Variants in JADE3 observed in about 807,000 individuals in gnomAD.
JADE3 encodes jade family PHD finger 3.
JADE3 carries 2 observed loss-of-function variants against 50.1 expected under a neutral mutation model. That is an observed-to-expected ratio of 0.04 (90% CI 0.02 to 0.13). JADE3 has a LOEUF of 0.13. Ranked by LOEUF, JADE3 falls within the 10% of genes least tolerant of loss-of-function variation. The pLI is 1.00. For synonymous variants in JADE3, 218 were observed against 232.9 expected (o/e 0.94, Z 0.58); for missense variants, 475 against 634.4 (o/e 0.75, Z 2.70).
chrX:46,959,731 T>C (rs1472050217), intron 1 of JADE3, among the ~76,000 whole-genome samples: 1 of 110,158 alleles, frequency 9.1e-6, no homozygotes, highest in Non-Finnish European at 1.9e-5. Flanking sequence ...AGGATAGTAT[T>C]GGAGGTAGAA....
intron 1 of JADE3, among the ~76,000 whole-genome samples, chrX:46,963,508 A>G (rs782631865): frequency 3.3e-4 from 37 of 112,546 alleles, no homozygotes; most frequent in South Asian, 1.5e-3. Context: ...CGACCACTTC[A>G]AAAGTTAGTG....
chrX:46,991,099 C>T (rs1280273925), intron 3 of JADE3, among the ~76,000 whole-genome samples: 3 of 76,164 alleles, frequency 3.9e-5, no homozygotes, highest in African/African-American at 1.5e-4. Flanking sequence ...TTCTTTCTTT[C>T]TTTTGGCAGA....
chrX:46,987,078 C>G (rs953278350), intron 3 of JADE3, among the ~76,000 whole-genome samples: 9 of 112,003 alleles, frequency 8.0e-5, no homozygotes, highest in Non-Finnish European at 1.5e-4. Context: ...GTGTTCTCAC[C>G]TGGAGGCTTG....
At chrX:47,037,811 T>C (rs1269530242) in intron 7 of JADE3, among the ~76,000 whole-genome samples, 2 of 111,814 alleles carry the variant, frequency 1.8e-5, no homozygotes, top group African/African-American at 6.5e-5. Context: ...GTAGTTATTT[T>C]TATATGTACA....
chrX:46,981,386 T>C (rs911063516), intron 1 of JADE3, among the ~76,000 whole-genome samples: 16 of 112,368 alleles, frequency 1.4e-4, no homozygotes, highest in Non-Finnish European at 1.7e-4. Flanking sequence ...GATCTGTGCA[T>C]TCAGTGGGGA....
At chrX:46,915,906 A>G (rs1430533343) in intron 1 of JADE3, among the ~76,000 whole-genome samples, 2 of 111,955 alleles carry the variant, frequency 1.8e-5, no homozygotes, top group South Asian at 7.5e-4. Context: ...GGAAACACCT[A>G]TGAGTTCATC....
chrX:46,966,702 A>G (rs916587319), intron 1 of JADE3, among the ~76,000 whole-genome samples: 138 of 111,595 alleles, frequency 1.2e-3, no homozygotes, highest in African/African-American at 4.2e-3. Context: ...GGAGTTACAG[A>G]CTGTAAACTA....
intron 4 of JADE3, among the ~76,000 whole-genome samples, chrX:47,007,838 TGTG>T (rs1556360712): frequency 1.9e-5 from 2 of 107,781 alleles, no homozygotes; most frequent in Non-Finnish European, 3.9e-5. Flanking sequence ...TGTGTGTGTG[TGTG>T]TGTGTGTGTG....
intron 1 of JADE3, among the ~76,000 whole-genome samples, chrX:46,942,817 G>A (rs1394571304): frequency 3.6e-5 from 4 of 111,900 alleles, no homozygotes; most frequent in African/African-American, 1.3e-4. Flanking sequence ...TAATGATATT[G>A]ATTCTTCCAA....
At chrX:47,000,914 G>A (rs934239663) in intron 4 of JADE3, among the ~76,000 whole-genome samples, 1 of 111,810 alleles carries the variant, frequency 8.9e-6, no homozygotes, top group African/African-American at 3.2e-5. Flanking sequence ...AGGGATGTGC[G>A]TTCCTAATTC....
At chrX:46,961,712 A>G (rs1314978925) in intron 1 of JADE3, among the ~76,000 whole-genome samples, 7 of 111,632 alleles carry the variant, frequency 6.3e-5, no homozygotes, top group Non-Finnish European at 1.1e-4. Context: ...AAGGAGGGAA[A>G]CATCCTGTAC....
chrX:46,940,091 G>A (rs782154348), intron 1 of JADE3, among the ~76,000 whole-genome samples: 3 of 112,073 alleles, frequency 2.7e-5, no homozygotes, highest in Middle Eastern at 4.6e-3. Context: ...GAAAAAGTTC[G>A]CTAACTCCTG....
At chrX:47,004,141 G>A (rs1462907295) in intron 4 of JADE3, among the ~76,000 whole-genome samples, 1 of 110,012 alleles carries the variant, frequency 9.1e-6, no homozygotes, top group Non-Finnish European at 1.9e-5. Context: ...GCCCAGGCTG[G>A]TCTCAAGCTC....
At chrX:46,920,192 C>T (rs1556337405) in intron 1 of JADE3, among the ~76,000 whole-genome samples, 2 of 111,671 alleles carry the variant, frequency 1.8e-5, no homozygotes, top group African/African-American at 3.3e-5. Flanking sequence ...GACTCCTATC[C>T]GAGTTGACCT....
chrX:47,043,155 G>A (rs1929301456), intron 8 of JADE3, among the ~76,000 whole-genome samples: 1 of 112,134 alleles, frequency 8.9e-6, no homozygotes, highest in South Asian at 3.7e-4. Context: ...GGCTTGCAGT[G>A]CCTCCTAAAG....
chrX:47,001,499 A>G (rs781960005), intron 4 of JADE3, among the ~76,000 whole-genome samples: 27 of 111,765 alleles, frequency 2.4e-4, no homozygotes, highest in African/African-American at 7.8e-4. Context: ...AGCCAGCCAT[A>G]TTGGAGGCTC....
In JADE3 at chrX:46,912,622, C is replaced by T. The variant is rs1556335354; in HGVS notation, c.-109C>T. On this transcript the variant is annotated 5_prime_UTR_variant, in exon 1 of 11. Transcript: ENST00000614628. ...GAGGGAGGGAAGAGAAGAAAGCGAGCGGTTAGGGGGGCGGTTACCACTCCG... is the reference window on the plus strand; with the variant it reads ...GAGGGAGGGAAGAGAAGAAAGCGAGTGGTTAGGGGGGCGGTTACCACTCCG... 9.0e-6 allele frequency: 1 copy of T among 111,025 alleles called. No homozygotes were observed. The highest frequency in any genetic ancestry group is 1.9e-5 in the Non-Finnish European group (1 of 52,491). 9.1% of individuals were successfully genotyped at this position (111,025 alleles called of 1,213,427 possible). A position where few individuals can be genotyped will look rare whatever the true frequency, so the allele number is the denominator to read the frequency against.
chrX:46,974,473 A>G (rs1022716116), intron 1 of JADE3, among the ~76,000 whole-genome samples: 3 of 111,692 alleles, frequency 2.7e-5, no homozygotes, highest in Non-Finnish European at 5.6e-5. Flanking sequence ...TATAAGAAAC[A>G]TGCTGCTCTG....
intron 3 of JADE3, among the ~76,000 whole-genome samples, chrX:46,988,180 C>G (rs1482621487): frequency 1.8e-5 from 2 of 111,899 alleles, no homozygotes; most frequent in African/African-American, 6.5e-5. Context: ...CCCTGTGACA[C>G]TACTGAATTA....
Sources: allele counts gnomAD v4.1 joint callset (sites outside exome capture counted in the v4.1 genomes callset), GRCh38; gene constraint gnomAD v4.1.1; transcripts MANE v1.5; gene names NCBI Gene and HGNC (gene_info 2026-07-23, HGNC 2026-07-21).